Variants in CCZ1B observed in about 807,000 individuals in gnomAD.
The protein encoded by CCZ1B is vacuolar fusion protein CCZ1 homolog B.
In CCZ1B, 25 loss-of-function variants were observed where a neutral mutation model predicts 58.8. The ratio of observed to expected loss-of-function variants is 0.43; its 90% CI spans 0.31 to 0.59. CCZ1B has a LOEUF of 0.59. Ranked by LOEUF, CCZ1B falls within the 20% of genes least tolerant of loss-of-function variation. The pLI is 0.12. For missense variants in CCZ1B, 180 were observed against 501.5 expected, an observed-to-expected ratio of 0.36 and a Z score of 6.12; for synonymous variants, 66 against 173.2, an observed-to-expected ratio of 0.38 and a Z score of 4.86.
chr7:6,810,422 A>G (rs1170996478), intron 10 of CCZ1B, among the ~76,000 whole-genome samples: 2 of 149,232 alleles, frequency 1.3e-5, no homozygotes, highest in African/African-American at 5.1e-5. Flanking sequence ...CCACTGTCAC[A>G]TAATGTCTGG....
Position 6,818,647 on chromosome 7 carries a change from AAGAC to A in CCZ1B, c.698+1115_698+1118del, listed in dbSNP as rs1344479605. The stretch of plus-strand genomic sequence containing the variant: ...AAGAAAGAAAGACAAGAAAGAAAGA[AAGAC>A]AGAAAGAAAGACAGACAGAAAGAAA... On this transcript the variant is annotated intron_variant, in intron 7 of 14. Transcript: ENST00000316731. Among the ~76,000 whole-genome samples the A allele has an allele frequency of 2.0e-4, 27 of 135,044 alleles. 1 individual carries two copies. The South Asian group carries it at 2.9e-3, about 14-fold the overall frequency. 88.6% of individuals were successfully genotyped at this position (135,044 alleles called of 152,430 possible).
Position 6,809,280 on chromosome 7 carries a change from T to C in CCZ1B, c.954+2672A>G, listed in dbSNP as rs1040209319. On this transcript the variant is annotated intron_variant, in intron 10 of 14. Coordinates refer to ENST00000316731, the MANE Select transcript of CCZ1B (RefSeq NM_198097.5). ...AAGTGAGGATGGTCTTGGAGACTCA[T>C]GAACTTTGCAACTAGAAATCACTGA... 2.8e-4 allele frequency among the ~76,000 whole-genome samples: 31 copies of C among 109,942 alleles called. 2 individuals carry two copies. Among genetic ancestry groups the C allele is most frequent in the African/African-American group, 1.2e-3 (29 of 24,964 alleles). 72.1% of individuals were successfully genotyped at this position (109,942 alleles called of 152,430 possible).
chr7:6,822,232 A>T, intron 6 of CCZ1B, 49 bp downstream of exon 6: 1 of 1,561,656 alleles, frequency 6.4e-7, no homozygotes, highest in Non-Finnish European at 8.6e-7. Flanking sequence ...TTTCTCTAAA[A>T]ACCTGATGAA....
Position 6,824,675 on chromosome 7 carries a change from A to G in CCZ1B, c.183T>C (p.Asn61=). Residue 61 remains asparagine (N), a synonymous_variant, in exon 2 of 15, where the codon AAT becomes AAC. Coordinates refer to ENST00000316731, the MANE Select transcript of CCZ1B (RefSeq NM_198097.5). The part of the protein sequence containing the change: ...NEVEKNEKIR[N]VGLCEAIVQF... ...GTACAATAGCTTCACACAATCCGAC[A>G]TTTCTAATCTTCTCATTCTTTTCTA... 6.2e-7 allele frequency: 1 copy of G among 1,610,414 alleles called. No homozygotes were observed. Among genetic ancestry groups the G allele is most frequent in the Non-Finnish European group, 8.5e-7 (1 of 1,179,208 alleles).
chr7:6,815,266 A>G (rs976372940), intron 7 of CCZ1B, among the ~76,000 whole-genome samples: 1 of 147,876 alleles, frequency 6.8e-6, no homozygotes, highest in African/African-American at 2.6e-5. Flanking sequence ...CCAGGGCTCA[A>G]GCGGTCCTCC....
intron 6 of CCZ1B, among the ~76,000 whole-genome samples, chr7:6,820,481 ATT>A (rs1373094438): frequency 2.1e-5 from 3 of 141,982 alleles, no homozygotes; most frequent in Non-Finnish European, 3.1e-5. Context: ...CTGGCCAAAA[ATT>A]TTTTTTTTTT....
chr7:6,825,661 A>C (rs1439492248), intron 1 of CCZ1B, among the ~76,000 whole-genome samples: 2 of 124,940 alleles, frequency 1.6e-5, no homozygotes, highest in African/African-American at 6.5e-5. Flanking sequence ...ACACACACAC[A>C]CACCCCTCCC....
At chr7:6,800,394 C>T (rs1782744059) in intron 14 of CCZ1B, among the ~76,000 whole-genome samples, 2 of 135,318 alleles carry the variant, frequency 1.5e-5, no homozygotes, top group South Asian at 5.8e-4. Flanking sequence ...GGCAAGGTGG[C>T]TCACGCCTGT....
chr7:6,813,977 C>T (rs1782958469), intron 8 of CCZ1B, among the ~76,000 whole-genome samples: 1 of 146,316 alleles, frequency 6.8e-6, no homozygotes, highest in African/African-American at 2.6e-5. Context: ...GAAACTCCAT[C>T]TCTACTAAAA....
Position 6,824,744 on chromosome 7 carries a change from C to G in CCZ1B, c.121-7G>C, listed in dbSNP as rs1241683123. The G allele has an allele frequency of 6.3e-7, 1 of 1,585,356 alleles. No individual in the cohort carries two copies. The highest frequency in any genetic ancestry group is 8.6e-7 in the Non-Finnish European group (1 of 1,164,418). The stretch of plus-strand genomic sequence containing the variant: ...ATAAAATCTTATTTTCCTCCTGAAA[C>G]ATGAGGAAACAGAAGCACAACATGA... On this transcript the variant is annotated splice_region_variant and splice_polypyrimidine_tract_variant and intron_variant, in intron 1 of 14. Transcript: ENST00000316731.
At chr7:6,815,760 T>C (rs1562430257) in intron 7 of CCZ1B, among the ~76,000 whole-genome samples, 2 of 148,960 alleles carry the variant, frequency 1.3e-5, no homozygotes, top group African/African-American at 2.5e-5. Flanking sequence ...CCATTTGAGA[T>C]GAAAAAAAAA....
intron 7 of CCZ1B, among the ~76,000 whole-genome samples, chr7:6,816,938 A>ATT (rs139199192): frequency 9.4e-4 from 129 of 137,310 alleles, no homozygotes; most frequent in Middle Eastern, 4.0e-3. Flanking sequence ...TTTTTTTTGC[A>ATT]TTTTTTGTAG....
At chr7:6,808,416 AC>A (rs1460785049) in intron 10 of CCZ1B, among the ~76,000 whole-genome samples, 2 of 146,230 alleles carry the variant, frequency 1.4e-5, no homozygotes, top group Admixed American at 6.9e-5. Context: ...CAAAACAAAA[AC>A]CCAAAAAACC....
At chr7:6,823,115 G>C (rs1220066984) in intron 5 of CCZ1B, among the ~76,000 whole-genome samples, 198 bp downstream of exon 5, 1 of 148,868 alleles carries the variant, frequency 6.7e-6, no homozygotes, top group Non-Finnish European at 1.5e-5. Flanking sequence ...GCTGAGAAAA[G>C]AGAAGGGAGT....
rs1204276310 is a variant in CCZ1B, at chr7:6,823,219, G to A, written c.438+94C>T. On this transcript the variant is annotated intron_variant, in intron 5 of 14. Coordinates refer to ENST00000316731, the MANE Select transcript of CCZ1B (RefSeq NM_198097.5). The stretch of plus-strand genomic sequence containing the variant: ...TCTAAGACAAATACAGAGTCACTTT[G>A]CAGTCATTTATAGACTTCTCTTTAA... The A allele has an allele frequency of 6.9e-5, 105 of 1,512,052 alleles. 8 individuals are homozygous for A. In the Middle Eastern group the frequency reaches 1.3e-3, roughly 19 times the overall value. The allele number at this position is 1,512,052 out of a possible 1,614,324, so 93.7% of individuals were successfully genotyped here.
At position 6,822,112 on chromosome 7, in the gene CCZ1B, G is replaced by A. The variant is rs4720684; in HGVS notation, c.522+169C>T. 0.25 allele frequency among the ~76,000 whole-genome samples: 37,280 copies of A among 148,322 alleles called. 5,064 individuals are homozygous for A. The highest frequency in any genetic ancestry group is 0.46 in the South Asian group (2,164 of 4,670). On this transcript the variant is annotated intron_variant, in intron 6 of 14. Coordinates refer to ENST00000316731, the MANE Select transcript of CCZ1B (RefSeq NM_198097.5). ...CTGGAGGGAAGGTTCCAGAGCACAC[G>A]CCTCATGCGTTTCCTCGCTGCTCCA...
At chr7:6,803,753 G>T (rs970084130) in intron 12 of CCZ1B, among the ~76,000 whole-genome samples, 3 of 150,494 alleles carry the variant, frequency 2.0e-5, no homozygotes, top group Non-Finnish European at 4.4e-5. Context: ...CACGAGGTCA[G>T]GAGTTCGAGA....
chr7:6,817,257 T>C (rs1783019260), intron 7 of CCZ1B, among the ~76,000 whole-genome samples: 4 of 151,652 alleles, frequency 2.6e-5, no homozygotes, highest in South Asian at 4.2e-4. Context: ...GATTGTCCTG[T>C]GACTCCAGGC....
chr7:6,819,955 A>G lies in CCZ1B; in HGVS notation c.523-14T>C, dbSNP rs1783081706. 1 of 1,606,000 alleles carries G rather than the reference A, an allele frequency of 6.2e-7. No homozygotes were observed. The highest frequency in any genetic ancestry group is 1.1e-5 in the South Asian group (1 of 90,470). On this transcript the variant is annotated splice_polypyrimidine_tract_variant and intron_variant, in intron 6 of 14. Coordinates refer to ENST00000316731, the MANE Select transcript of CCZ1B (RefSeq NM_198097.5). ...CGTTTGCAAATACTGTGGAAAAAAA[A>G]TAAGGCATAAAATTTACTAATAGTA...
Sources: allele counts gnomAD v4.1 joint callset (sites outside exome capture counted in the v4.1 genomes callset), GRCh38; gene constraint gnomAD v4.1.1; transcripts MANE v1.5; gene names NCBI Gene and HGNC (gene_info 2026-07-23, HGNC 2026-07-21).